Variants in ADAMTS9 observed in about 807,000 individuals in gnomAD.
The protein encoded by ADAMTS9 is ADAM metallopeptidase with thrombospondin type 1 motif 9, also known as A disintegrin and metalloproteinase with thrombospondin motifs 9.
A neutral mutation model predicts 257.1 loss-of-function variants in ADAMTS9; 107 were observed. That is an observed-to-expected ratio of 0.42 (90% CI 0.36 to 0.49). ADAMTS9 has a LOEUF of 0.49. Ranked by LOEUF, ADAMTS9 falls within the 20% of genes least tolerant of loss-of-function variation. The pLI, the probability that ADAMTS9 is intolerant of heterozygous loss-of-function variation, is 0.03. For synonymous variants in ADAMTS9, 982 were observed against 880.9 expected, an observed-to-expected ratio of 1.11 and a Z score of -2.03; for missense variants, 2,353 against 2,469.1, an observed-to-expected ratio of 0.95 and a Z score of 1.00.
intron 16 of ADAMTS9, among the ~76,000 whole-genome samples, chr3:64,630,792 A>T (rs7636829): frequency 0.54 from 81,652 of 152,066 alleles, 23,467 homozygotes; most frequent in African/African-American, 0.75. Context: ...AAAAAATAAA[A>T]AAATAATAAA....
In ADAMTS9 at chr3:64,687,613, C is replaced by A; in HGVS notation, c.45G>T (p.Arg15=). 6.3e-7 allele frequency: 1 copy of A among 1,586,892 alleles called. No individual in the cohort carries two copies. The highest frequency in any genetic ancestry group is 8.6e-7 in the Non-Finnish European group (1 of 1,168,210). The change falls in exon 1 of 40, where the codon CGG becomes CGT. Residue 15 remains arginine, a synonymous_variant. Coordinates refer to ENST00000498707, the MANE Select transcript of ADAMTS9 (RefSeq NM_182920.2). This position sits in a 1 kb window ranked among gnomAD's most constrained non-coding sequence, Gnocchi z 4.4. ...SWATLLTLLV[R]DLAEMGSPDA... ...CTGGGCTCCCCATCTCGGCCAGGTC[C>A]CGCACCAGGAGCGTTAGCAGTGTGG...
chr3:64,585,987 C>A (rs540580041), intron 28 of ADAMTS9, among the ~76,000 whole-genome samples: 1 of 152,102 alleles, frequency 6.6e-6, no homozygotes, highest in Admixed American at 6.6e-5. Context: ...TAGACATACC[C>A]TTTCCACTCA....
intron 16 of ADAMTS9, among the ~76,000 whole-genome samples, chr3:64,628,314 T>G (rs551195886): frequency 1.3e-5 from 2 of 152,300 alleles, no homozygotes; most frequent in East Asian, 3.9e-4. Flanking sequence ...TTGACTTGAA[T>G]TGAGGCCACT....
chr3:64,529,383 T>C (rs945809015), intron 38 of ADAMTS9, among the ~76,000 whole-genome samples: 5 of 152,202 alleles, frequency 3.3e-5, no homozygotes, highest in Admixed American at 2.6e-4. Context: ...GGGGAAAACA[T>C]TTTATTGCCA....
intron 16 of ADAMTS9, among the ~76,000 whole-genome samples, chr3:64,624,994 C>A (rs531903867): frequency 6.6e-6 from 1 of 152,112 alleles, no homozygotes; most frequent in African/African-American, 2.4e-5. Flanking sequence ...GGGCTCTGAA[C>A]AAAGACTAGA....
intron 30 of ADAMTS9, among the ~76,000 whole-genome samples, chr3:64,560,252 A>G (rs919581067): frequency 1.3e-5 from 2 of 152,208 alleles, no homozygotes; most frequent in Non-Finnish European, 2.9e-5. Flanking sequence ...GGTGTGGCTC[A>G]AGAGCTGTTA....
At chr3:64,570,792 A>G (rs1246625457) in intron 28 of ADAMTS9, among the ~76,000 whole-genome samples, 6 of 151,792 alleles carry the variant, frequency 4.0e-5, no homozygotes, top group Admixed American at 6.6e-5. Context: ...TATCAGGGAT[A>G]ACTTTCAGGT....
At chr3:64,680,493 C>T (rs753980602) in intron 3 of ADAMTS9, among the ~76,000 whole-genome samples, 1 of 152,110 alleles carries the variant, frequency 6.6e-6, no homozygotes, top group Non-Finnish European at 1.5e-5. Context: ...TACAAGACTG[C>T]AGATGAAGAA....
At chr3:64,561,426 A>G in intron 30 of ADAMTS9, 152 bp downstream of exon 30, 1 of 729,216 alleles carries the variant, frequency 1.4e-6, no homozygotes, top group Non-Finnish European at 2.1e-6. Context: ...TGTTGGAGCG[A>G]ATGCGCGAGT....
At chr3:64,593,462 C>T (rs1021468456) in intron 28 of ADAMTS9, among the ~76,000 whole-genome samples, 2 of 152,190 alleles carry the variant, frequency 1.3e-5, no homozygotes, top group African/African-American at 4.8e-5. Context: ...ACAGCCCTAA[C>T]GGCTCCACAG....
At chr3:64,539,365 A>G in intron 36 of ADAMTS9, 71 bp from the exon 37 acceptor site, 1 of 1,278,166 alleles carries the variant, frequency 7.8e-7, no homozygotes, top group Non-Finnish European at 1.1e-6. Flanking sequence ...GGAACAGGAC[A>G]TTAACAAGGA....
At chr3:64,639,050 G>A (rs1009180387) in intron 12 of ADAMTS9, among the ~76,000 whole-genome samples, 9 of 151,990 alleles carry the variant, frequency 5.9e-5, no homozygotes, top group East Asian at 1.9e-4. Context: ...CCACTTCTAC[G>A]TTCTACATAA....
chr3:64,627,285 G>C (rs1311107292), intron 16 of ADAMTS9, among the ~76,000 whole-genome samples: 1 of 152,006 alleles, frequency 6.6e-6, no homozygotes, highest in African/African-American at 2.4e-5. Context: ...TCCAGTAGAT[G>C]TGAGTAGGGA....
At chr3:64,618,479 A>T (rs1447296145) in intron 19 of ADAMTS9, among the ~76,000 whole-genome samples, 1 of 152,222 alleles carries the variant, frequency 6.6e-6, no homozygotes, top group Non-Finnish European at 1.5e-5. Context: ...AGGTATTGTG[A>T]CATTATTTTT....
At position 64,686,606 on chromosome 3, in the gene ADAMTS9, A is replaced by G. The variant is rs1259286423; in HGVS notation, c.478T>C (p.Ser160Pro). 6.2e-7 allele frequency: 1 copy of G among 1,613,490 alleles called. No individual in the cohort carries two copies. Among genetic ancestry groups the G allele is most frequent in the South Asian group, 1.1e-5 (1 of 90,882 alleles). Residue 160 changes from serine to proline, a missense_variant, in exon 2 of 40, where the codon TCC becomes CCC. Transcript: ENST00000498707. The surrounding 1 kb of genome is among the most constrained non-coding windows in gnomAD (Gnocchi z 4.6). ...CFYKGYVNTN[S>P]EHTAVISLCS... ...AGGCTGATGACGGCCGTGTGCTCGG[A>G]GTTGGTATTGACATAGCCTTTGTAG...
At chr3:64,685,402 A>C (rs532151171) in intron 2 of ADAMTS9, 2 of 152,480 alleles carry the variant, frequency 1.3e-5, no homozygotes, top group South Asian at 4.1e-4. Flanking sequence ...GGGAAGAATA[A>C]AGGCATCACC....
intron 30 of ADAMTS9, among the ~76,000 whole-genome samples, chr3:64,560,840 C>T (rs556874291): frequency 6.6e-6 from 1 of 152,272 alleles, no homozygotes; most frequent in Admixed American, 6.5e-5. Context: ...TTTATGCCAA[C>T]ATCAGTGGAT....
In ADAMTS9 at chr3:64,687,055, C is replaced by A. The variant is rs1701932393; in HGVS notation, c.116-87G>T. On this transcript the variant is annotated intron_variant, in intron 1 of 39. Transcript: ENST00000498707. This position sits in a 1 kb window ranked among gnomAD's most constrained non-coding sequence, Gnocchi z 4.4. ...AACGAAGGTGGGGACTTTGTTCTGA[C>A]CTTATTTTCCAGCCCATTCGAGTCA... 7.5e-6 allele frequency: 11 copies of A among 1,470,474 alleles called. No homozygotes were observed. In the South Asian group the frequency reaches 1.5e-4, roughly 20 times the overall value. The allele number at this position is 1,470,474 out of a possible 1,614,324, so 91.1% of individuals were successfully genotyped here.
At chr3:64,654,679 T>C (rs1701018753) in intron 6 of ADAMTS9, 67 bp from the exon 7 acceptor site, 2 of 1,545,438 alleles carry the variant, frequency 1.3e-6, no homozygotes, top group South Asian at 1.1e-5. Context: ...GTAAATACTT[T>C]AGGGTCGTCT....
Sources: allele counts gnomAD v4.1 joint callset (sites outside exome capture counted in the v4.1 genomes callset), GRCh38; gene constraint gnomAD v4.1.1; non-coding constraint Gnocchi (gnomAD v3.1); transcripts MANE v1.5; gene names NCBI Gene and HGNC (gene_info 2026-07-23, HGNC 2026-07-21).